RAB3C: variants seen among roughly 807,000 people sequenced by gnomAD.
The protein encoded by RAB3C is RAB3C, member RAS oncogene family.
RAB3C carries 17 observed loss-of-function variants against 26.4 expected under a neutral mutation model. The observed-to-expected ratio is 0.64, with a 90% CI of 0.44 to 0.97. RAB3C has a LOEUF of 0.97. Ranked by LOEUF, RAB3C falls within the 50% of genes least tolerant of loss-of-function variation. The probability of loss-of-function intolerance (pLI) is 0.00; values close to 1 mark genes in which losing one functional copy is unlikely to be tolerated. For missense variants in RAB3C, 242 were observed against 281.9 expected, an observed-to-expected ratio of 0.86 and a Z score of 1.01; for synonymous variants, 91 against 95.9, an observed-to-expected ratio of 0.95 and a Z score of 0.30.
intron 1 of RAB3C, among the ~76,000 whole-genome samples, chr5:58,616,319 T>C (rs1337252805): frequency 6.6e-6 from 1 of 152,208 alleles, no homozygotes; most frequent in East Asian, 1.9e-4. Context: ...TTTCTAATTT[T>C]GTTTCATGTT....
At chr5:58,789,811 T>G (rs926355108) in intron 3 of RAB3C, among the ~76,000 whole-genome samples, 3 of 152,360 alleles carry the variant, frequency 2.0e-5, no homozygotes, top group African/African-American at 7.2e-5. Context: ...AATTCTATCC[T>G]GAAGTGTTTT....
chr5:58,603,373 G>A (rs112094912), intron 1 of RAB3C, among the ~76,000 whole-genome samples: 2 of 152,206 alleles, frequency 1.3e-5, no homozygotes, highest in South Asian at 2.1e-4. Flanking sequence ...TAGCAAGGCT[G>A]GGGAAGTTTT....
At chr5:58,665,666 A>T (rs1212945023) in intron 2 of RAB3C, among the ~76,000 whole-genome samples, 2 of 152,108 alleles carry the variant, frequency 1.3e-5, no homozygotes, top group Admixed American at 1.3e-4. Context: ...TTTTGGAAAA[A>T]ATCATCTTCT....
intron 3 of RAB3C, among the ~76,000 whole-genome samples, chr5:58,744,792 A>AT (rs1741358387): frequency 6.6e-6 from 1 of 152,182 alleles, no homozygotes; most frequent in Admixed American, 6.5e-5. Flanking sequence ...ACAACAAAAG[A>AT]TTCTATTCAA....
intron 4 of RAB3C, among the ~76,000 whole-genome samples, chr5:58,837,173 T>C (rs1743768085): frequency 6.6e-6 from 1 of 152,066 alleles, no homozygotes; most frequent in African/African-American, 2.4e-5. Flanking sequence ...CACTGGCCAT[T>C]TTTATGTCTT....
At chr5:58,621,807 C>A (rs1361061905) in intron 2 of RAB3C, among the ~76,000 whole-genome samples, 1 of 152,038 alleles carries the variant, frequency 6.6e-6, no homozygotes, top group Non-Finnish European at 1.5e-5. Context: ...AACTCCTGAC[C>A]TCAAGTGATC....
intron 2 of RAB3C, among the ~76,000 whole-genome samples, chr5:58,689,667 A>T (rs149791837): frequency 6.6e-6 from 1 of 152,118 alleles, no homozygotes; most frequent in East Asian, 1.9e-4. Context: ...AGCAGATCCA[A>T]AATTATTTCT....
intron 3 of RAB3C, among the ~76,000 whole-genome samples, chr5:58,805,820 C>T (rs2112032823): frequency 6.6e-6 from 1 of 152,084 alleles, no homozygotes; most frequent in Middle Eastern, 3.4e-3. Flanking sequence ...CAAAGTATAT[C>T]ACCCTGAAAA....
chr5:58,739,132 C>A (rs1186740512), intron 3 of RAB3C, among the ~76,000 whole-genome samples: 5 of 152,166 alleles, frequency 3.3e-5, no homozygotes, highest in African/African-American at 1.2e-4. Flanking sequence ...CTTACTTGAA[C>A]CTTACAGTTA....
At chr5:58,672,768 C>T (rs1748146473) in intron 2 of RAB3C, among the ~76,000 whole-genome samples, 1 of 152,066 alleles carries the variant, frequency 6.6e-6, no homozygotes, top group South Asian at 2.1e-4. Flanking sequence ...CCTAGATAAC[C>T]TTTGTTTTTA....
intron 3 of RAB3C, among the ~76,000 whole-genome samples, chr5:58,738,564 T>C (rs1741205965): frequency 6.6e-6 from 1 of 152,218 alleles, no homozygotes; most frequent in Non-Finnish European, 1.5e-5. Flanking sequence ...TCAACTCAAC[T>C]GTACTTTGGC....
intron 4 of RAB3C, among the ~76,000 whole-genome samples, chr5:58,826,215 A>G (rs765585106): frequency 4.6e-5 from 7 of 152,056 alleles, no homozygotes; most frequent in Non-Finnish European, 1.0e-4. Flanking sequence ...CAAGAGGAAG[A>G]GATGAGTGAT....
intron 2 of RAB3C, among the ~76,000 whole-genome samples, chr5:58,677,043 G>A (rs1390083981): frequency 6.6e-6 from 1 of 152,098 alleles, no homozygotes; most frequent in Non-Finnish European, 1.5e-5. Flanking sequence ...TCCCTCTTAA[G>A]CCTCTAGGGA....
intron 3 of RAB3C, among the ~76,000 whole-genome samples, chr5:58,771,387 T>A (rs1003376196): frequency 1.3e-5 from 2 of 152,130 alleles, no homozygotes; most frequent in Non-Finnish European, 2.9e-5. Context: ...AAAACCTCTT[T>A]AAACTCTTAG....
At chr5:58,761,132 G>C (rs1741789969) in intron 3 of RAB3C, among the ~76,000 whole-genome samples, 1 of 150,690 alleles carries the variant, frequency 6.6e-6, no homozygotes, top group African/African-American at 2.4e-5. Context: ...TGTTTACTGT[G>C]GATATCTCTG....
At chr5:58,727,676 G>A (rs1561302096) in intron 3 of RAB3C, among the ~76,000 whole-genome samples, 1 of 151,922 alleles carries the variant, frequency 6.6e-6, no homozygotes, top group East Asian at 1.9e-4. Context: ...GCCACAGATA[G>A]CCTGAAACAC....
intron 3 of RAB3C, among the ~76,000 whole-genome samples, chr5:58,803,014 G>A (rs1742844292): frequency 1.3e-5 from 2 of 152,280 alleles, no homozygotes; most frequent in South Asian, 2.1e-4. Context: ...GCCTTTGAGG[G>A]TAGTAAGACA....
At position 58,642,989 on chromosome 5, in the gene RAB3C, A is replaced by G. The variant is rs148644100; in HGVS notation, c.252+25119A>G. On this transcript the variant is annotated intron_variant, in intron 2 of 4. Transcript: ENST00000282878. ...GTGATGAATTGAAAGGTAGAAAATC[A>G]TTACTTTCAATCATGCATCAACCTG... 3.0e-3 allele frequency among the ~76,000 whole-genome samples: 457 copies of G among 152,368 alleles called. 1 individual carries two copies. Among genetic ancestry groups the G allele is most frequent in the African/African-American group, 0.01 (417 of 41,590 alleles).
At chr5:58,842,198 G>C (rs1743890468) in intron 4 of RAB3C, among the ~76,000 whole-genome samples, 1 of 152,026 alleles carries the variant, frequency 6.6e-6, no homozygotes, top group Admixed American at 6.5e-5. Flanking sequence ...TTAGACTACT[G>C]ATAAAAGAGA....
Sources: allele counts gnomAD v4.1 joint callset (sites outside exome capture counted in the v4.1 genomes callset), GRCh38; gene constraint gnomAD v4.1.1; transcripts MANE v1.5; gene names NCBI Gene and HGNC (gene_info 2026-07-23, HGNC 2026-07-21).